Variants in SKOR2 observed in about 807,000 individuals in gnomAD.
SKOR2 encodes LBX1 corepressor 1-like protein.
SKOR2 carries 47 observed loss-of-function variants against 69.1 expected under a neutral mutation model. The observed-to-expected ratio is 0.68, with a 90% CI of 0.54 to 0.87. The LOEUF is 0.87. Among genes scored for constraint, SKOR2 ranks in the 40% least tolerant of loss-of-function variants. The pLI, the probability that SKOR2 is intolerant of heterozygous loss-of-function variation, is 0.00. For missense variants in SKOR2, 1,404 were observed against 1,472.2 expected, an observed-to-expected ratio of 0.95 and a Z score of 0.76; for synonymous variants, 717 against 672.6, an observed-to-expected ratio of 1.07 and a Z score of -1.02.
At position 47,251,407 on chromosome 18, in the gene SKOR2, T is replaced by C. The variant is rs2064312069; in HGVS notation, c.-81A>G. 1 of 152,244 alleles carries C rather than the reference T, an allele frequency of 6.6e-6. No individual in the cohort carries two copies. Among genetic ancestry groups the C allele is most frequent in the South Asian group, 2.1e-4 (1 of 4,838 alleles). 9.4% of individuals were successfully genotyped at this position (152,244 alleles called of 1,614,324 possible). A position where few individuals can be genotyped will look rare whatever the true frequency, so the allele number is the denominator to read the frequency against. On this transcript the variant is annotated 5_prime_UTR_variant, in exon 1 of 9. Transcript: ENST00000425639. ...CTCTGGGTGTCTTTAGGCGTGTGGCTGCCGGCCCATCTTCCGAGGGCGCTC... is the reference window on the plus strand; with the variant it reads ...CTCTGGGTGTCTTTAGGCGTGTGGCCGCCGGCCCATCTTCCGAGGGCGCTC...
In SKOR2 at chr18:47,245,478, A is replaced by ATT. The variant is rs10670977; in HGVS notation, c.2677+18_2677+19dup. 6,713 of 1,197,050 alleles carry ATT rather than the reference A, an allele frequency of 5.6e-3. 435 individuals carry two copies. The African/African-American group carries it at 0.12, about 22-fold the overall frequency. The allele number at this position is 1,197,050 out of a possible 1,614,324, so 74.2% of individuals were successfully genotyped here. A position where few individuals can be genotyped will look rare whatever the true frequency, so the allele number is the denominator to read the frequency against. On this transcript the variant is annotated intron_variant, in intron 3 of 8. Coordinates refer to ENST00000425639, the MANE Select transcript of SKOR2 (RefSeq NM_001278063.4). ...ATGCAGGCAAGAAAAGTGGCAGCTGATTTTTTTTTTTTTTTTTACCTGAAA... is the reference window on the plus strand; with the variant it reads ...ATGCAGGCAAGAAAAGTGGCAGCTGATTTTTTTTTTTTTTTTTTTACCTGAAA...
intron 1 of SKOR2, among the ~76,000 whole-genome samples, chr18:47,251,151 T>G (rs982313544): frequency 6.6e-6 from 1 of 151,870 alleles, no homozygotes; most frequent in Non-Finnish European, 1.5e-5. Flanking sequence ...AAGAGACAAT[T>G]AAAAGTTAGT....
At chr18:47,223,911 T>C (rs2064169736) in intron 6 of SKOR2, among the ~76,000 whole-genome samples, 1 of 151,540 alleles carries the variant, frequency 6.6e-6, no homozygotes, top group Non-Finnish European at 1.5e-5. Flanking sequence ...TTCTTTTTTT[T>C]TTTTTTAAAT....
intron 6 of SKOR2, 33 bp from the exon 7 acceptor site, chr18:47,220,043 T>C: frequency 6.6e-7 from 1 of 1,505,302 alleles, no homozygotes; most frequent in East Asian, 2.5e-5. Flanking sequence ...AAAGATTAAC[T>C]AAAGTGTAAA....
chr18:47,249,004 C>T lies in SKOR2; in HGVS notation c.180G>A (p.Glu60=). ...TGGAGATCTGCGCCAGGCACAGGCG[C>T]TCTTGCCCGTCGATCACCAACGACA... ...PIVSLVIDGQ[E]RLCLAQISNT... Residue 60 remains glutamate (E), a synonymous_variant, in exon 2 of 9, where the codon GAG becomes GAA. Transcript: ENST00000425639. 2.6e-6 allele frequency: 4 copies of T among 1,552,112 alleles called. No homozygotes were observed. The highest frequency in any genetic ancestry group is 3.5e-6 in the Non-Finnish European group (4 of 1,155,300).
intron 6 of SKOR2, among the ~76,000 whole-genome samples, chr18:47,220,214 TTATATTTTACA>T (rs1333166360): frequency 6.6e-6 from 1 of 152,186 alleles, no homozygotes; most frequent in African/African-American, 2.4e-5. Context: ...TGAGTGTGTC[TTATATTTTACA>T]GTATCTCATA....
chr18:47,212,155 T>C lies in SKOR2; in HGVS notation c.2986-4A>G, dbSNP rs149815928. 1.0e-3 allele frequency: 1,280 copies of C among 1,231,920 alleles called. 8 individuals carry two copies. In the African/African-American group the frequency reaches 0.018, roughly 18 times the overall value. 76.3% of individuals were successfully genotyped at this position (1,231,920 alleles called of 1,614,324 possible). A position where few individuals can be genotyped will look rare whatever the true frequency, so the allele number is the denominator to read the frequency against. ...TCAAACTTGCTGCATAGGGGATCTG[T>C]AAGACAAAAACAAGCAACACCATCC... is the stretch of plus-strand genomic sequence containing the variant. On this transcript the variant is annotated splice_region_variant and splice_polypyrimidine_tract_variant and intron_variant, in intron 7 of 8. Coordinates refer to ENST00000425639, the MANE Select transcript of SKOR2 (RefSeq NM_001278063.4).
rs1385709541 is a variant in SKOR2, at chr18:47,247,489, G to A, written c.1695C>T (p.Ser565=). Reference sequence around the variant, plus strand: ...TGGAGCCCGCGCTGCAGTCCCCGCCGCTGCCGCCCGGGGGCGACTCGAAGA... The same window carrying A: ...TGGAGCCCGCGCTGCAGTCCCCGCCACTGCCGCCCGGGGGCGACTCGAAGA... The part of the protein sequence containing the change: ...DALFESPPGG[S]GGDCSAGSTP... The change falls in exon 2 of 9, where the codon AGC becomes AGT. Residue 565 remains serine, a synonymous_variant. Coordinates refer to ENST00000425639, the MANE Select transcript of SKOR2 (RefSeq NM_001278063.4). This position sits in a 1 kb window ranked among gnomAD's most constrained non-coding sequence, Gnocchi z 6.6. 3.4e-4 allele frequency: 409 copies of A among 1,209,688 alleles called. No individual in the cohort carries two copies. The highest frequency in any genetic ancestry group is 4.1e-4 in the Non-Finnish European group (399 of 974,888). The allele number at this position is 1,209,688 out of a possible 1,614,324, so 74.9% of individuals were successfully genotyped here.
intron 3 of SKOR2, 145 bp from the exon 4 acceptor site, chr18:47,245,127 A>ATTCTCTAGGT: frequency 1.5e-6 from 1 of 664,252 alleles, no homozygotes; most frequent in Non-Finnish European, 2.5e-6. Context: ...AAACAATCAG[A>ATTCTCTAGGT]AGGCTCTAGG....
At chr18:47,217,076 C>A (rs2064146264) in intron 7 of SKOR2, among the ~76,000 whole-genome samples, 1 of 152,132 alleles carries the variant, frequency 6.6e-6, no homozygotes, top group South Asian at 2.1e-4. Flanking sequence ...GTTCAAGTAA[C>A]ACTGAATCTG....
intron 4 of SKOR2, among the ~76,000 whole-genome samples, chr18:47,235,139 G>A (rs1377481866): frequency 3.3e-5 from 5 of 152,074 alleles, no homozygotes; most frequent in Non-Finnish European, 7.4e-5. Flanking sequence ...CCGAGGGAGA[G>A]TGCTTGAACC....
At chr18:47,242,957 A>G (rs1242545774) in intron 4 of SKOR2, among the ~76,000 whole-genome samples, 2 of 152,216 alleles carry the variant, frequency 1.3e-5, no homozygotes, top group Non-Finnish European at 2.9e-5. Flanking sequence ...AGCCATTGCT[A>G]CATGAAAGTT....
Position 47,244,928 on chromosome 18 carries a change from TCTC to T in SKOR2, c.2729_2731del (p.Gly910del), listed in dbSNP as rs1189859419. The T allele has an allele frequency of 1.3e-6, 2 of 1,535,646 alleles. No individual in the cohort carries two copies. Among genetic ancestry groups the T allele is most frequent in the African/African-American group, 1.4e-5 (1 of 72,988 alleles). On this transcript the variant is annotated inframe_deletion, in exon 4 of 9. Coordinates refer to ENST00000425639, the MANE Select transcript of SKOR2 (RefSeq NM_001278063.4). ...CCTACCTGATCTTTCTCTCCAAAAA[TCTC>T]CTCCAGAAGCATCAGAGTCTGTGAT... is the stretch of plus-strand genomic sequence containing the variant.
In SKOR2 at chr18:47,248,216, A is replaced by G. The variant is rs1165583137; in HGVS notation, c.968T>C (p.Val323Ala). 3 of 1,229,818 alleles carry G rather than the reference A, an allele frequency of 2.4e-6. No individual in the cohort carries two copies. The highest frequency in any genetic ancestry group is 1.6e-5 in the African/African-American group (1 of 63,504). 76.2% of individuals were successfully genotyped at this position (1,229,818 alleles called of 1,614,324 possible). A position where few individuals can be genotyped will look rare whatever the true frequency, so the allele number is the denominator to read the frequency against. Residue 323 changes from valine (V) to alanine (A), a missense_variant, in exon 2 of 9, where the codon GTA becomes GCA. Val to Ala is a moderately conservative substitution (Grantham distance 64). Transcript: ENST00000425639. The surrounding 1 kb of genome is among the most constrained non-coding windows in gnomAD (Gnocchi z 6.4). ...DDDDSLQEAAVVAAASLSAAA... is the reference protein window; with the variant it reads ...DDDDSLQEAAAVAAASLSAAA... ...GGCCGAGAGGCTGGCGGCGGCCACT[A>G]CGGCGGCCTCCTGCAAGGAGTCGTC...
intron 4 of SKOR2, among the ~76,000 whole-genome samples, chr18:47,242,333 T>C (rs1321640277): frequency 1.3e-5 from 2 of 152,132 alleles, no homozygotes; most frequent in Non-Finnish European, 2.9e-5. Flanking sequence ...TCAAATATAT[T>C]TATTAATAGA....
intron 8 of SKOR2, among the ~76,000 whole-genome samples, chr18:47,207,669 C>T (rs1218131610): frequency 6.6e-6 from 1 of 152,116 alleles, no homozygotes; most frequent in Admixed American, 6.5e-5. Flanking sequence ...AATGAATGTA[C>T]CACTCCCCCT....
chr18:47,246,695 C>T lies in SKOR2; in HGVS notation c.2489G>A (p.Gly830Asp), dbSNP rs961021726. The T allele has an allele frequency of 4.1e-6, 6 of 1,463,398 alleles. No individual in the cohort carries two copies. In the African/African-American group the frequency reaches 9.0e-5, roughly 22 times the overall value. 90.7% of individuals were successfully genotyped at this position (1,463,398 alleles called of 1,614,324 possible). Residue 830 changes from glycine to aspartate, a missense_variant, in exon 2 of 9, where the codon GGC becomes GAC. Physicochemically the swap from Gly to Asp is moderately conservative, Grantham distance 94. This residue lies in a region of SKOR2 where 1,266 missense variants were observed against 1,309.9 expected (regional missense o/e 0.97). Coordinates refer to ENST00000425639, the MANE Select transcript of SKOR2 (RefSeq NM_001278063.4). ...CGGCGGGGGCGGGGGCAGGTCCGAG[C>T]CGGGGTCCCCGAGTTTCCCGTCTTC... ...LQEDGKLGDP[G>D]SDLPPPPPPP...
Position 47,248,356 on chromosome 18 carries a change from C to A in SKOR2, c.828G>T (p.Leu276=). The change falls in exon 2 of 9, where the codon CTG becomes CTT. Residue 276 remains leucine (L), a synonymous_variant. Coordinates refer to ENST00000425639, the MANE Select transcript of SKOR2 (RefSeq NM_001278063.4). This position sits in a 1 kb window ranked among gnomAD's most constrained non-coding sequence, Gnocchi z 6.4. The stretch of plus-strand genomic sequence containing the variant: ...GCGCACCCAGCAGGTGGGGGCCCAG[C>A]AGACCCCCGCCTCCGGCCACCGCGG... ...AAAAVAGGGG[L]LGPHLLGAPP... 7.9e-7 allele frequency: 1 copy of A among 1,269,940 alleles called. No individual in the cohort carries two copies. Among genetic ancestry groups the A allele is most frequent in the South Asian group, 2.8e-5 (1 of 35,942 alleles). The allele number at this position is 1,269,940 out of a possible 1,614,324, so 78.7% of individuals were successfully genotyped here.
chr18:47,236,544 G>T (rs555092343), intron 4 of SKOR2, among the ~76,000 whole-genome samples: 1 of 152,172 alleles, frequency 6.6e-6, no homozygotes, highest in Non-Finnish European at 1.5e-5. Flanking sequence ...AGGTGATTAG[G>T]CCAGGAGGGC....
Sources: gnomAD v4.1 joint callset for allele counts (sites outside exome capture counted in the v4.1 genomes callset) on GRCh38, gnomAD v4.1.1 for gene constraint, gnomAD v4.1.1 regional missense constraint, Gnocchi (gnomAD v3.1) non-coding constraint, MANE v1.5 for transcripts, NCBI Gene and HGNC (gene_info 2026-07-23, HGNC 2026-07-21) for gene names.